The following MTHFD1L variants were observed in gnomAD, a reference collection of about 807,000 sequenced individuals.
MTHFD1L encodes the protein monofunctional C1-tetrahydrofolate synthase, mitochondrial.
Under a neutral mutation model 119.5 loss-of-function variants are expected in MTHFD1L, and 81 were observed. The observed-to-expected ratio is 0.68, with a 90% CI of 0.57 to 0.82. The LOEUF (loss-of-function observed/expected upper bound fraction) is 0.82. Among genes scored for constraint, MTHFD1L ranks in the 40% least tolerant of loss-of-function variants. The pLI is 0.00. For synonymous variants in MTHFD1L, 430 were observed against 475.2 expected, an observed-to-expected ratio of 0.90 and a Z score of 1.24; for missense variants, 1,125 against 1,253.4, an observed-to-expected ratio of 0.90 and a Z score of 1.55.
chr6:150,918,028 T>A (rs1274421440), intron 8 of MTHFD1L, among the ~76,000 whole-genome samples: 2 of 151,772 alleles, frequency 1.3e-5, no homozygotes, highest in South Asian at 2.1e-4. Flanking sequence ...TTACATTTTT[T>A]AAATCCATTT....
intron 26 of MTHFD1L, among the ~76,000 whole-genome samples, chr6:151,076,231 G>T (rs75172990): frequency 7.4e-6 from 1 of 135,602 alleles, no homozygotes; most frequent in African/African-American, 2.8e-5. Flanking sequence ...AGTTGTGGTG[G>T]CCTAGCTGCT....
intron 26 of MTHFD1L, among the ~76,000 whole-genome samples, chr6:151,058,236 A>G (rs758510125): frequency 6.6e-6 from 1 of 152,232 alleles, no homozygotes; most frequent in Non-Finnish European, 1.5e-5. Context: ...CAACAGAGAG[A>G]TAAGAAAGAG....
intron 11 of MTHFD1L, among the ~76,000 whole-genome samples, chr6:150,936,111 GTCATATGGAAAGGGA>G (rs1792007926): frequency 6.6e-6 from 1 of 152,190 alleles, no homozygotes; most frequent in African/African-American, 2.4e-5. Context: ...TTGAAGGACT[GTCATATGGAAAGGGA>G]TCAGGCTTAG....
At chr6:151,034,022 A>T (rs1051677923) in intron 24 of MTHFD1L, among the ~76,000 whole-genome samples, 3 of 152,042 alleles carry the variant, frequency 2.0e-5, no homozygotes, top group Non-Finnish European at 4.4e-5. Context: ...CAAAAAATGC[A>T]GAAAAAAAAT....
At chr6:151,023,027 G>T (rs566242181) in intron 24 of MTHFD1L, among the ~76,000 whole-genome samples, 27 of 148,808 alleles carry the variant, frequency 1.8e-4, no homozygotes, top group African/African-American at 5.9e-4. Flanking sequence ...TTTGTTTGTT[G>T]GTTGGTTGGT....
intron 1 of MTHFD1L, among the ~76,000 whole-genome samples, chr6:150,868,872 G>A (rs959163948): frequency 6.6e-6 from 1 of 152,098 alleles, no homozygotes; most frequent in East Asian, 1.9e-4. Flanking sequence ...ACCAGCCTGG[G>A]CAACATAGTG....
At chr6:150,954,518 T>C (rs560531522) in intron 16 of MTHFD1L, among the ~76,000 whole-genome samples, 11 of 151,492 alleles carry the variant, frequency 7.3e-5, no homozygotes, top group Admixed American at 4.6e-4. Flanking sequence ...CAAAACCCCA[T>C]CTCTTCTAAA....
chr6:151,042,265 A>T (rs1317913479), intron 26 of MTHFD1L, among the ~76,000 whole-genome samples: 1 of 151,732 alleles, frequency 6.6e-6, no homozygotes, highest in Non-Finnish European at 1.5e-5. Context: ...CTTCATATGT[A>T]TTTTATGTAT....
intron 26 of MTHFD1L, among the ~76,000 whole-genome samples, chr6:151,083,267 G>A (rs1053833264): frequency 6.6e-6 from 1 of 151,682 alleles, no homozygotes; most frequent in Non-Finnish European, 1.5e-5. Context: ...GTGCCATCTC[G>A]GCTCACTGCA....
intron 24 of MTHFD1L, among the ~76,000 whole-genome samples, chr6:151,026,530 C>A (rs1411804764): frequency 6.6e-6 from 1 of 152,110 alleles, no homozygotes; most frequent in Non-Finnish European, 1.5e-5. Context: ...AGAGTATTTC[C>A]GTTTCTGAAA....
Position 151,039,538 on chromosome 6 carries a change from G to T in MTHFD1L, c.2847+2421G>T, listed in dbSNP as rs1338642507. ...CAAGTAGCTGTGACTACAGGCTCAT[G>T]CCACTGTGCCAGGCCTGTGTATAAT... On this transcript the variant is annotated intron_variant, in intron 26 of 27. Transcript: ENST00000367321. This position sits in a 1 kb window ranked among gnomAD's most constrained non-coding sequence, Gnocchi z 4.4. Among the ~76,000 whole-genome samples, 2 of 152,110 alleles carry T rather than the reference G, an allele frequency of 1.3e-5. No homozygotes were observed. Among genetic ancestry groups the T allele is most frequent in the Admixed American group, 6.5e-5 (1 of 15,276 alleles).
chr6:150,882,961 A>G, intron 5 of MTHFD1L, 75 bp downstream of exon 5: 3 of 1,337,620 alleles, frequency 2.2e-6, no homozygotes, highest in Non-Finnish European at 3.0e-6. Context: ...TTATTTTTCT[A>G]AATTTCTTCT....
chr6:151,033,769 A>G (rs1785692881), intron 24 of MTHFD1L, among the ~76,000 whole-genome samples: 1 of 152,210 alleles, frequency 6.6e-6, no homozygotes, highest in Non-Finnish European at 1.5e-5. Context: ...ATTACTGCTC[A>G]TGAAAAAATA....
intron 10 of MTHFD1L, among the ~76,000 whole-genome samples, chr6:150,923,541 T>A (rs868284381): frequency 3.1e-4 from 10 of 32,330 alleles, no homozygotes; most frequent in South Asian, 1.1e-3. Flanking sequence ...TTATTTATTT[T>A]TTCTTTTTTT....
Position 150,881,099 on chromosome 6 carries a change from C to G in MTHFD1L, c.418-1663C>G, listed in dbSNP as rs146361100. Among the ~76,000 whole-genome samples the G allele has an allele frequency of 1.7e-3, 266 of 152,008 alleles. 1 individual carries two copies. Among genetic ancestry groups the G allele is most frequent in the Middle Eastern group, 0.01 (3 of 294 alleles). Reference sequence around the variant, plus strand: ...AGAATGTTTTTAGTTTGATATAATCCCACTGATGTATTTTTGCTTTCGTTG... The same window carrying G: ...AGAATGTTTTTAGTTTGATATAATCGCACTGATGTATTTTTGCTTTCGTTG... On this transcript the variant is annotated intron_variant, in intron 4 of 27. Coordinates refer to ENST00000367321, the MANE Select transcript of MTHFD1L (RefSeq NM_015440.5).
At chr6:151,003,921 C>A (rs1274943596) in intron 20 of MTHFD1L, among the ~76,000 whole-genome samples, 1 of 151,140 alleles carries the variant, frequency 6.6e-6, no homozygotes, top group Non-Finnish European at 1.5e-5. Context: ...AGTACATTGT[C>A]CATACAGTTC....
At position 150,938,105 on chromosome 6, in the gene MTHFD1L, C is replaced by T. The variant is rs190490963; in HGVS notation, c.1394-594C>T. Among the ~76,000 whole-genome samples the T allele has an allele frequency of 7.2e-5, 11 of 152,324 alleles. No homozygotes were observed. The East Asian group carries it at 2.1e-3, about 29-fold the overall frequency. Reference sequence around the variant, plus strand: ...CAATCTCGGCTCACTCCAATCTCCGCCTCCCAGTTTCAAGTGATTCTCCTG... The same window carrying T: ...CAATCTCGGCTCACTCCAATCTCCGTCTCCCAGTTTCAAGTGATTCTCCTG... On this transcript the variant is annotated intron_variant, in intron 12 of 27. Coordinates refer to ENST00000367321, the MANE Select transcript of MTHFD1L (RefSeq NM_015440.5).
At chr6:150,872,151 C>T (rs1779657313) in intron 1 of MTHFD1L, among the ~76,000 whole-genome samples, 1 of 152,172 alleles carries the variant, frequency 6.6e-6, no homozygotes, top group Non-Finnish European at 1.5e-5. Flanking sequence ...GCTGGGATTA[C>T]AGGTGTGAGC....
In MTHFD1L at chr6:151,012,019, CAAAAAAAAAAAAAAAAAAAA is replaced by C. The variant is rs1043831602; in HGVS notation, c.2266-1747_2266-1728del. 1.5e-4 allele frequency among the ~76,000 whole-genome samples: 9 copies of C among 58,826 alleles called. 1 individual carries two copies. The East Asian group carries it at 3.8e-3, about 25-fold the overall frequency. The allele number at this position is 58,826 out of a possible 152,430, so 38.6% of individuals were successfully genotyped here. On this transcript the variant is annotated intron_variant, in intron 21 of 27. Coordinates refer to ENST00000367321, the MANE Select transcript of MTHFD1L (RefSeq NM_015440.5). ...TCCATCTCAACAACAACAACAACAA[CAAAAAAAAAAAAAAAAAAAA>C]AAAAAAAAAAAACCAGCAGGGACCA... is the stretch of plus-strand genomic sequence containing the variant.
Sources: gnomAD v4.1 joint callset for allele counts (sites outside exome capture counted in the v4.1 genomes callset) on GRCh38, gnomAD v4.1.1 for gene constraint, Gnocchi (gnomAD v3.1) non-coding constraint, MANE v1.5 for transcripts, NCBI Gene and HGNC (gene_info 2026-07-23, HGNC 2026-07-21) for gene names.